Variants in CNTNAP2 observed in about 807,000 individuals in gnomAD.
The protein encoded by CNTNAP2 is contactin-associated protein-like 2.
Under a neutral mutation model 155.2 loss-of-function variants are expected in CNTNAP2, and 98 were observed. The observed-to-expected ratio is 0.63, with a 90% CI of 0.54 to 0.75. The LOEUF (loss-of-function observed/expected upper bound fraction) is 0.75, where lower values mean the gene tolerates loss of function less well. Among genes scored for constraint, CNTNAP2 ranks in the 30% least tolerant of loss-of-function variants. The pLI, the probability that CNTNAP2 is intolerant of heterozygous loss-of-function variation, is 0.00. For synonymous variants in CNTNAP2, 651 were observed against 631.2 expected, an observed-to-expected ratio of 1.03 and a Z score of -0.47; for missense variants, 1,727 against 1,688.1, an observed-to-expected ratio of 1.02 and a Z score of -0.40.
chr7:147,483,777 C>G (rs7782445), intron 10 of CNTNAP2, among the ~76,000 whole-genome samples: 94,573 of 152,018 alleles, frequency 0.62, 29,708 homozygotes, highest in African/African-American at 0.7. Flanking sequence ...CCATCATATG[C>G]AGAACCACCT....
chr7:147,497,786 C>T (rs1016680492), intron 11 of CNTNAP2, among the ~76,000 whole-genome samples: 5 of 152,150 alleles, frequency 3.3e-5, no homozygotes, highest in African/African-American at 1.2e-4. Context: ...ATAAAACCTG[C>T]ATTGGGGCAG....
At chr7:147,467,550 A>G (rs1798141781) in intron 10 of CNTNAP2, among the ~76,000 whole-genome samples, 1 of 152,208 alleles carries the variant, frequency 6.6e-6, no homozygotes, top group Non-Finnish European at 1.5e-5. Context: ...GCGGGGAGGA[A>G]GTATTGAAAG....
intron 1 of CNTNAP2, among the ~76,000 whole-genome samples, chr7:146,555,672 GT>G (rs1798188410): frequency 6.6e-6 from 1 of 152,134 alleles, no homozygotes. Context: ...ACAATATTAT[GT>G]TTAATGAAAT....
intron 3 of CNTNAP2, among the ~76,000 whole-genome samples, chr7:147,000,531 C>T (rs1798400305): frequency 6.6e-6 from 1 of 152,002 alleles, no homozygotes; most frequent in South Asian, 2.1e-4. Flanking sequence ...TATGAATATC[C>T]TTCAGTGTTA....
intron 1 of CNTNAP2, among the ~76,000 whole-genome samples, chr7:146,523,427 A>G (rs1229567582): frequency 6.6e-6 from 1 of 151,998 alleles, no homozygotes; most frequent in Non-Finnish European, 1.5e-5. Context: ...AAGAGTGTCC[A>G]TTTCCTTCTC....
intron 22 of CNTNAP2, among the ~76,000 whole-genome samples, chr7:148,386,578 T>C (rs1261324519): frequency 1.1e-4 from 16 of 152,198 alleles, no homozygotes; most frequent in Admixed American, 9.2e-4. Flanking sequence ...TAATATGATT[T>C]TCCTCTTTTA....
intron 14 of CNTNAP2, among the ~76,000 whole-genome samples, chr7:147,964,421 A>T (rs778568738): frequency 6.6e-6 from 1 of 152,154 alleles, no homozygotes; most frequent in Non-Finnish European, 1.5e-5. Context: ...TCAATCCTCC[A>T]CGGATTTGTT....
intron 22 of CNTNAP2, among the ~76,000 whole-genome samples, chr7:148,384,608 C>A (rs772685290): frequency 1.3e-5 from 2 of 152,152 alleles, no homozygotes; most frequent in African/African-American, 2.4e-5. Context: ...CTTTTTCACC[C>A]ATAAGGTGAA....
intron 8 of CNTNAP2, among the ~76,000 whole-genome samples, chr7:147,221,754 G>A (rs1803405975): frequency 6.6e-6 from 1 of 152,312 alleles, no homozygotes; most frequent in South Asian, 2.1e-4. Context: ...GACTTAGGAT[G>A]TTTTGCAAAG....
At chr7:146,248,796 C>G (rs1039035130) in intron 1 of CNTNAP2, among the ~76,000 whole-genome samples, 2 of 152,094 alleles carry the variant, frequency 1.3e-5, no homozygotes, top group Admixed American at 1.3e-4. Context: ...TCCCCTGATC[C>G]GAGTCACGGC....
chr7:147,691,392 A>G (rs1796085205), intron 13 of CNTNAP2, among the ~76,000 whole-genome samples: 1 of 152,164 alleles, frequency 6.6e-6, no homozygotes, highest in Non-Finnish European at 1.5e-5. Context: ...TGTGTGGCTT[A>G]TTTAAAGCTT....
chr7:146,620,763 A>C (rs1799303930), intron 1 of CNTNAP2, among the ~76,000 whole-genome samples: 1 of 152,090 alleles, frequency 6.6e-6, no homozygotes. Context: ...AAATGGTAGG[A>C]CTGTTCATTA....
intron 1 of CNTNAP2, among the ~76,000 whole-genome samples, chr7:146,380,349 A>C (rs1484297527): frequency 6.6e-6 from 1 of 152,192 alleles, no homozygotes; most frequent in Non-Finnish European, 1.5e-5. Context: ...GAAGGACTTC[A>C]ATAAAAATGT....
chr7:147,348,370 A>G (rs553892251), intron 9 of CNTNAP2, among the ~76,000 whole-genome samples: 286 of 74,566 alleles, frequency 3.8e-3, no homozygotes, highest in African/African-American at 0.021. Context: ...AAGACATACA[A>G]ATAGCAAAAA....
intron 9 of CNTNAP2, among the ~76,000 whole-genome samples, chr7:147,368,444 G>C (rs1237909617): frequency 6.6e-6 from 1 of 151,992 alleles, no homozygotes; most frequent in Middle Eastern, 3.2e-3. Context: ...TAGTACTTTT[G>C]TACTTACTTG....
At chr7:148,225,814 C>T (rs1795836759) in intron 19 of CNTNAP2, among the ~76,000 whole-genome samples, 1 of 152,224 alleles carries the variant, frequency 6.6e-6, no homozygotes, top group South Asian at 2.1e-4. Flanking sequence ...TGTCAGATGA[C>T]ACATGTCATA....
chr7:147,924,386 G>T (rs1005325683), intron 14 of CNTNAP2, among the ~76,000 whole-genome samples: 48 of 152,006 alleles, frequency 3.2e-4, no homozygotes, highest in Admixed American at 1.3e-3. Flanking sequence ...TGATTCGCCT[G>T]CCTTGGCTTC....
intron 21 of CNTNAP2, among the ~76,000 whole-genome samples, chr7:148,365,949 CGTGTATGCATGTATACATGT>C (rs1563059679): frequency 0.021 from 11 of 528 alleles, 5 homozygotes; most frequent in African/African-American, 0.024. Context: ...TGTATACATG[CGTGTATGCATGTATACATGT>C]GTGTATGCAT....
At chr7:148,168,679 T>A (rs529996518) in intron 17 of CNTNAP2, among the ~76,000 whole-genome samples, 1 of 152,244 alleles carries the variant, frequency 6.6e-6, no homozygotes, top group South Asian at 2.1e-4. Context: ...AACCTGCACG[T>A]TGTGCACATG....
Sources: gnomAD v4.1 joint callset for allele counts (sites outside exome capture counted in the v4.1 genomes callset) on GRCh38, gnomAD v4.1.1 for gene constraint, MANE v1.5 for transcripts, NCBI Gene and HGNC (gene_info 2026-07-23, HGNC 2026-07-21) for gene names.